PRKAR1A: variants seen among roughly 807,000 people sequenced by gnomAD.
PRKAR1A encodes the protein cAMP-dependent protein kinase type I-alpha regulatory subunit.
In PRKAR1A, 3 loss-of-function variants were observed where a neutral mutation model predicts 52.0. That is an observed-to-expected ratio of 0.06 (90% CI 0.03 to 0.15). PRKAR1A has a LOEUF of 0.15. PRKAR1A is among the 10% of genes least tolerant of loss of function. The pLI is 1.00. For synonymous variants in PRKAR1A, 188 were observed against 168.4 expected (o/e 1.12, Z -0.90); for missense variants, 240 against 477.4 (o/e 0.50, Z 4.63).
At chr17:68,469,496 C>T in the PRKAR1A span, among the ~76,000 whole-genome samples, 1 of 152,212 alleles carries the variant, frequency 6.6e-6, no homozygotes, top group African/African-American at 2.4e-5. Flanking sequence ...TCTCCTAGCA[C>T]CTAGAGCAAT....
the PRKAR1A span, among the ~76,000 whole-genome samples, chr17:68,464,851 G>C: frequency 6.6e-6 from 1 of 151,782 alleles, no homozygotes; most frequent in Admixed American, 6.6e-5. Context: ...TGAGTCTAAA[G>C]ACATTGCATC....
intron 11 of PRKAR1A, chr17:68,542,547 TGGTGGGAGTGTCTTACAA>T: frequency 1.4e-6 from 1 of 718,806 alleles, no homozygotes; most frequent in Admixed American, 2.0e-5. Context: ...AGGCAGACCA[TGGTGGGAGTGTCTTACAA>T]CTTCATACGC....
At chr17:68,497,779 T>G in the PRKAR1A span, among the ~76,000 whole-genome samples, 2 of 152,134 alleles carry the variant, frequency 1.3e-5, no homozygotes, top group Non-Finnish European at 2.9e-5. Flanking sequence ...CCAGGGAGGT[T>G]GACTCCTGAG....
chr17:68,505,584 G>A, the PRKAR1A span, among the ~76,000 whole-genome samples: 2 of 152,170 alleles, frequency 1.3e-5, no homozygotes, highest in Non-Finnish European at 2.9e-5. Flanking sequence ...AGGCCCAAGT[G>A]GATGGACTGC....
At chr17:68,477,791 C>T in the PRKAR1A span, among the ~76,000 whole-genome samples, 3 of 151,624 alleles carry the variant, frequency 2.0e-5, no homozygotes, top group Admixed American at 1.3e-4. Flanking sequence ...GGTGCCATCT[C>T]GGCTCACTGC....
intron 11 of PRKAR1A, chr17:68,539,856 G>C (rs779528834): frequency 4.6e-5 from 74 of 1,605,584 alleles, no homozygotes; most frequent in Non-Finnish European, 6.1e-5. Context: ...TGGGAGAGGG[G>C]ATTGTTGAAC....
At chr17:68,486,158 C>A in the PRKAR1A span, among the ~76,000 whole-genome samples, 1 of 151,914 alleles carries the variant, frequency 6.6e-6, no homozygotes, top group African/African-American at 2.4e-5. Flanking sequence ...ATCAGTTTCA[C>A]CTCAGTCACA....
At position 68,523,629 on chromosome 17, in the gene PRKAR1A, C is replaced by G; in HGVS notation, c.349-96C>G. On this transcript the variant is annotated intron_variant, in intron 3 of 10. Coordinates refer to ENST00000589228, the MANE Select transcript of PRKAR1A (RefSeq NM_002734.5). ...ACTACAAAGCAGTCTTGTTTAAATACCATAATGTGGCTTGACATTTAATTG... is the reference window on the plus strand; with the variant it reads ...ACTACAAAGCAGTCTTGTTTAAATAGCATAATGTGGCTTGACATTTAATTG... 3.2e-6 allele frequency: 3 copies of G among 926,378 alleles called. No homozygotes were observed. In the South Asian group the frequency reaches 4.0e-5, roughly 12 times the overall value. The allele number at this position is 926,378 out of a possible 1,614,324, so 57.4% of individuals were successfully genotyped here.
chr17:68,515,025 C>T (rs1362907838), intron 1 of PRKAR1A: 2 of 309,642 alleles, frequency 6.5e-6, no homozygotes, highest in East Asian at 8.5e-5. Flanking sequence ...TCCTGTTTAC[C>T]GTTTACCTAC....
chr17:68,450,795 T>C, the PRKAR1A span: 438 of 1,614,050 alleles, frequency 2.7e-4, no homozygotes, highest in Non-Finnish European at 3.6e-4. Flanking sequence ...TGTGCCTTTC[T>C]TGAAGTGATA....
the PRKAR1A span, chr17:68,452,790 C>T: frequency 1.3e-6 from 1 of 793,910 alleles, no homozygotes; most frequent in African/African-American, 1.7e-5. Context: ...AATCTTGACT[C>T]CCTAAGTTTG....
At chr17:68,503,905 A>G in the PRKAR1A span, among the ~76,000 whole-genome samples, 2 of 152,230 alleles carry the variant, frequency 1.3e-5, no homozygotes, top group Non-Finnish European at 2.9e-5. Context: ...GCTGGCAAGG[A>G]TGTGCAGAAA....
At chr17:68,525,355 CTTA>C (rs1479593613) in intron 6 of PRKAR1A, among the ~76,000 whole-genome samples, 1 of 150,356 alleles carries the variant, frequency 6.7e-6, no homozygotes, top group Non-Finnish European at 1.5e-5. Flanking sequence ...ATATACCTTT[CTTA>C]TTCACAAATG....
chr17:68,485,773 C>T, the PRKAR1A span, among the ~76,000 whole-genome samples: 2 of 152,264 alleles, frequency 1.3e-5, no homozygotes, highest in South Asian at 4.1e-4. Flanking sequence ...GAGTCTCACT[C>T]TGTTGCCCAG....
chr17:68,525,765 C>A lies in PRKAR1A; in HGVS notation c.561C>A (p.Asn187Lys). 6.2e-7 allele frequency: 1 copy of A among 1,613,844 alleles called. No individual in the cohort carries two copies. Among genetic ancestry groups the A allele is most frequent in the Non-Finnish European group, 8.5e-7 (1 of 1,179,890 alleles). ...CACTTGCACTTTAGGTCTATGTTAA[C>A]AATGAATGGGCAACCAGTGTTGGGG... is the stretch of plus-strand genomic sequence containing the variant. ...IDQGETDVYV[N>K]NEWATSVGEG... The change falls in exon 7 of 11, where the codon AAC becomes AAA. Residue 187 changes from asparagine (N) to lysine (K), a missense_variant. By Grantham distance (94) the Asn-to-Lys change is moderately conservative. Coordinates refer to ENST00000589228, the MANE Select transcript of PRKAR1A (RefSeq NM_002734.5).
chr17:68,527,096 CAAAG>C (rs953581125), intron 7 of PRKAR1A, among the ~76,000 whole-genome samples: 1 of 152,062 alleles, frequency 6.6e-6, no homozygotes, highest in African/African-American at 2.4e-5. Context: ...ATCTCATTGT[CAAAG>C]AAGGAAGAGG....
the PRKAR1A span, among the ~76,000 whole-genome samples, chr17:68,479,720 A>T: frequency 6.6e-6 from 1 of 152,292 alleles, no homozygotes; most frequent in East Asian, 1.9e-4. Flanking sequence ...TTTTAATTTC[A>T]GTGATTCCTA....
the PRKAR1A span, among the ~76,000 whole-genome samples, chr17:68,505,845 C>T: frequency 6.6e-6 from 1 of 152,228 alleles, no homozygotes; most frequent in African/African-American, 2.4e-5. Flanking sequence ...TCAACATTGG[C>T]TCTTCAAGTA....
chr17:68,540,010 G>A, intron 11 of PRKAR1A: 1 of 1,566,110 alleles, frequency 6.4e-7, no homozygotes, highest in Non-Finnish European at 8.8e-7. Flanking sequence ...CAGGCCAGGG[G>A]GACAGGTGCT....
Sources: gnomAD v4.1 joint callset for allele counts (sites outside exome capture counted in the v4.1 genomes callset) on GRCh38, gnomAD v4.1.1 for gene constraint, MANE v1.5 for transcripts, NCBI Gene and HGNC (gene_info 2026-07-23, HGNC 2026-07-21) for gene names.